DPH6: variants seen among roughly 807,000 people sequenced by gnomAD.
DPH6 encodes the protein diphthine--ammonia ligase.
In DPH6, 33 loss-of-function variants were observed where a neutral mutation model predicts 38.2. The ratio of observed to expected loss-of-function variants is 0.86; its 90% confidence interval spans 0.65 to 1.15. DPH6 has a LOEUF of 1.15. DPH6 is among the 50% of genes most tolerant of loss of function. The probability of loss-of-function intolerance (pLI) is 0.00; values close to 1 mark genes in which losing one functional copy is unlikely to be tolerated. For synonymous variants in DPH6, 108 were observed against 103.0 expected (o/e 1.05, Z -0.30); for missense variants, 325 against 320.0 (o/e 1.02, Z -0.12).
intron 3 of DPH6, among the ~76,000 whole-genome samples, chr15:35,515,128 AG>A (rs1250389891): frequency 1.3e-5 from 2 of 149,604 alleles, no homozygotes; most frequent in Non-Finnish European, 3.0e-5. Context: ...AAACACACTA[AG>A]GTTAAAAAAA....
At chr15:35,360,174 C>A (rs1469010613) in intron 3 of DPH6, among the ~76,000 whole-genome samples, 1 of 152,148 alleles carries the variant, frequency 6.6e-6, no homozygotes, top group Non-Finnish European at 1.5e-5. Flanking sequence ...TAAAAAACTT[C>A]TCCTGCTGGG....
At chr15:35,426,783 A>C (rs540328509) in intron 5 of DPH6, among the ~76,000 whole-genome samples, 1 of 151,566 alleles carries the variant, frequency 6.6e-6, no homozygotes, top group Non-Finnish European at 1.5e-5. Context: ...GGTTTCTAGG[A>C]AGACATATAA....
downstream of DPH6, chr15:35,366,093 G>T: frequency 1.1e-6 from 1 of 913,622 alleles, no homozygotes; most frequent in Non-Finnish European, 1.3e-6. Context: ...ATATTTTGTA[G>T]GTTGTATAGA....
At chr15:35,382,486 T>C (rs141474421) in intron 6 of DPH6, among the ~76,000 whole-genome samples, 5 of 150,108 alleles carry the variant, frequency 3.3e-5, no homozygotes, top group South Asian at 2.1e-4. Flanking sequence ...ATTAAGATTA[T>C]TGTAAATTTG....
intron 3 of DPH6, among the ~76,000 whole-genome samples, chr15:35,484,201 G>A (rs1408994406): frequency 6.6e-6 from 1 of 152,154 alleles, no homozygotes; most frequent in Non-Finnish European, 1.5e-5. Context: ...TAAGAGGTAG[G>A]GAAATAGTGA....
chr15:35,345,340 C>T (rs900110524), intron 3 of DPH6, among the ~76,000 whole-genome samples: 2 of 151,676 alleles, frequency 1.3e-5, no homozygotes, highest in African/African-American at 4.8e-5. Context: ...TCTTCCTTTC[C>T]CTAATTTATA....
At position 35,269,690 on chromosome 15, in the gene DPH6, G is replaced by A. The variant is rs543770921; in HGVS notation, n.201-49108C>T. Among the ~76,000 whole-genome samples, 422 of 150,986 alleles carry A rather than the reference G, an allele frequency of 2.8e-3. 4 individuals carry two copies. Among genetic ancestry groups the A allele is most frequent in the Non-Finnish European group, 5.2e-3 (351 of 67,794 alleles). On this transcript the variant is annotated intron_variant and non_coding_transcript_variant, in intron 3 of 3. Transcript: ENST00000560386. ...CCTGACCTCGTGATCCGCCCGCCTC[G>A]GCCTCCCAAAGTGCTGGGATTACAG...
intron 3 of DPH6, among the ~76,000 whole-genome samples, chr15:35,456,357 C>CTGCTA (rs2053996417): frequency 6.6e-6 from 1 of 150,992 alleles, no homozygotes; most frequent in African/African-American, 2.4e-5. Context: ...TAATGAAGTA[C>CTGCTA]TAAATATTAT....
chr15:35,406,071 TATG>T (rs2053288838), intron 6 of DPH6, among the ~76,000 whole-genome samples: 2 of 152,196 alleles, frequency 1.3e-5, no homozygotes, highest in South Asian at 4.1e-4. Flanking sequence ...GAAAAAATAG[TATG>T]ATAAATATTA....
intron 5 of DPH6, among the ~76,000 whole-genome samples, chr15:35,419,449 C>T (rs917228875): frequency 2.0e-5 from 3 of 152,066 alleles, no homozygotes; most frequent in Non-Finnish European, 4.4e-5. Context: ...CAACACGTGA[C>T]TTCTTTGCTT....
intron 3 of DPH6, among the ~76,000 whole-genome samples, chr15:35,265,515 G>C (rs1383254821): frequency 6.6e-6 from 1 of 152,178 alleles, no homozygotes; most frequent in Non-Finnish European, 1.5e-5. Flanking sequence ...ACAAGGTCTG[G>C]TGTGAATCTT....
At chr15:35,283,273 C>T (rs1349169094) in intron 3 of DPH6, among the ~76,000 whole-genome samples, 2 of 147,642 alleles carry the variant, frequency 1.4e-5, no homozygotes, top group Admixed American at 1.4e-4. Flanking sequence ...TTCTTTCTTC[C>T]TCTTCCTCTT....
chr15:35,469,770 T>C (rs749375272), intron 3 of DPH6, among the ~76,000 whole-genome samples: 1 of 152,184 alleles, frequency 6.6e-6, no homozygotes, highest in African/African-American at 2.4e-5. Flanking sequence ...TAAATGTGTA[T>C]ACCAGTGGTA....
intron 3 of DPH6, among the ~76,000 whole-genome samples, chr15:35,528,615 A>G (rs980178696): frequency 1.3e-5 from 2 of 152,164 alleles, no homozygotes; most frequent in South Asian, 2.1e-4. Flanking sequence ...ACTCACCTAC[A>G]GAGTTGCCTA....
At chr15:35,492,720 A>G (rs2054501425) in intron 3 of DPH6, among the ~76,000 whole-genome samples, 1 of 152,106 alleles carries the variant, frequency 6.6e-6, no homozygotes, top group South Asian at 2.1e-4. Context: ...TCTATTTTTT[A>G]TTCCTATTTT....
chr15:35,195,509 A>G, the DPH6 span, among the ~76,000 whole-genome samples: 138 of 152,310 alleles, frequency 9.1e-4, no homozygotes, highest in Non-Finnish European at 1.7e-3. Context: ...CAAGCCTGGG[A>G]GACCAGAGAA....
chr15:35,314,929 C>T (rs981031132), intron 3 of DPH6, among the ~76,000 whole-genome samples: 11 of 151,624 alleles, frequency 7.3e-5, no homozygotes, highest in Admixed American at 2.6e-4. Context: ...CCACTTCCTA[C>T]AGCCAAACTT....
At chr15:35,345,995 T>C (rs1176203641) in intron 3 of DPH6, among the ~76,000 whole-genome samples, 2 of 152,006 alleles carry the variant, frequency 1.3e-5, no homozygotes, top group Non-Finnish European at 2.9e-5. Context: ...TATTCATAAG[T>C]AACTTCACAG....
At chr15:35,338,789 C>A (rs1322531759) in intron 3 of DPH6, among the ~76,000 whole-genome samples, 1 of 152,196 alleles carries the variant, frequency 6.6e-6, no homozygotes, top group Non-Finnish European at 1.5e-5. Context: ...ACTCAAATGT[C>A]TGACAATGAT....
Sources: gnomAD v4.1 joint callset for allele counts (sites outside exome capture counted in the v4.1 genomes callset) on GRCh38, gnomAD v4.1.1 for gene constraint, MANE v1.5 for transcripts, NCBI Gene and HGNC (gene_info 2026-07-23, HGNC 2026-07-21) for gene names.